TMEM255B: variants seen among roughly 807,000 people sequenced by gnomAD.
The protein encoded by TMEM255B is family with sequence similarity 70, member B.
A neutral mutation model predicts 34.5 loss-of-function variants in TMEM255B; 35 were observed. The ratio of observed to expected loss-of-function variants is 1.01; its 90% CI spans 0.77 to 1.34. TMEM255B has a LOEUF of 1.34. Among genes scored for constraint, TMEM255B ranks in the 40% most tolerant of loss-of-function variants. The pLI is 0.00. For synonymous variants in TMEM255B, 206 were observed against 201.2 expected (o/e 1.02, Z -0.20); for missense variants, 432 against 433.2 (o/e 1.00, Z 0.02).
At chr13:113,787,816 G>A (rs932645729) in intron 3 of TMEM255B, among the ~76,000 whole-genome samples, 1 of 151,350 alleles carries the variant, frequency 6.6e-6, no homozygotes, top group African/African-American at 2.4e-5. Flanking sequence ...ATTGATGGCA[G>A]GCAGGGCATG....
intron 3 of TMEM255B, among the ~76,000 whole-genome samples, chr13:113,789,843 C>T (rs190668668): frequency 6.6e-6 from 1 of 151,954 alleles, no homozygotes; most frequent in East Asian, 1.9e-4. Flanking sequence ...GACATCCTAG[C>T]CCTGGACTGA....
At chr13:113,782,551 C>G (rs1233441927) in intron 3 of TMEM255B, among the ~76,000 whole-genome samples, 1 of 152,178 alleles carries the variant, frequency 6.6e-6, no homozygotes, top group Non-Finnish European at 1.5e-5. Flanking sequence ...TCTGGCCTAC[C>G]GGATACCGTC....
intron 3 of TMEM255B, among the ~76,000 whole-genome samples, chr13:113,783,497 A>G (rs151263570): frequency 6.6e-6 from 1 of 152,334 alleles, no homozygotes; most frequent in Non-Finnish European, 1.5e-5. Context: ...GGATTGGGCT[A>G]TGTGCAGGAA....
At chr13:113,785,453 CTCA>C (rs1337579874) in intron 3 of TMEM255B, among the ~76,000 whole-genome samples, 1 of 152,224 alleles carries the variant, frequency 6.6e-6, no homozygotes, top group Non-Finnish European at 1.5e-5. Flanking sequence ...GCACTAGGGT[CTCA>C]TGTTTGCTCC....
At chr13:113,790,927 C>T (rs1321747133) in intron 3 of TMEM255B, among the ~76,000 whole-genome samples, 1 of 152,228 alleles carries the variant, frequency 6.6e-6, no homozygotes, top group Non-Finnish European at 1.5e-5. Flanking sequence ...ACTGAAAGAG[C>T]GGGAGGAAGG....
In TMEM255B at chr13:113,806,447, C is replaced by T. The variant is rs149552060; in HGVS notation, c.813+1419C>T. 0.011 allele frequency among the ~76,000 whole-genome samples: 1,695 copies of T among 152,230 alleles called. 38 individuals are homozygous for T. The highest frequency in any genetic ancestry group is 0.038 in the African/African-American group (1,577 of 41,528). On this transcript the variant is annotated intron_variant, in intron 8 of 8. Transcript: ENST00000375353. This position sits in a 1 kb window ranked among gnomAD's most constrained non-coding sequence, Gnocchi z 4.2. ...ATCTCCTCGTGGAGGGATCCCTGCA[C>T]CTCATACCTCAGTCTCCCCTCTCAC...
rs1165743809 is a variant in TMEM255B at position 113,816,293 on chromosome 13, G to A, written c.*4390G>A. On this transcript the variant is annotated 3_prime_UTR_variant, in exon 9 of 9. Transcript: ENST00000375353. ...TCTAAGCGTGTTCTGGATGGGGAGAGGTGCAGTCACTGGTCAGGGACACGA... is the reference window on the plus strand; with the variant it reads ...TCTAAGCGTGTTCTGGATGGGGAGAAGTGCAGTCACTGGTCAGGGACACGA... 2 of 175,740 alleles carry A rather than the reference G, an allele frequency of 1.1e-5. No homozygotes were observed. The highest frequency in any genetic ancestry group is 1.2e-5 in the Non-Finnish European group (1 of 80,188). The allele number at this position is 175,740 out of a possible 1,614,324, so 10.9% of individuals were successfully genotyped here. A position where few individuals can be genotyped will look rare whatever the true frequency, so the allele number is the denominator to read the frequency against.
intron 8 of TMEM255B, among the ~76,000 whole-genome samples, chr13:113,809,158 G>A (rs1192565733): frequency 7.2e-6 from 1 of 138,330 alleles, no homozygotes; most frequent in Non-Finnish European, 1.6e-5. Flanking sequence ...TGTGGTTCCT[G>A]GGAGTTTACT....
chr13:113,798,910 A>T (rs1382639326), intron 4 of TMEM255B, among the ~76,000 whole-genome samples: 1 of 152,160 alleles, frequency 6.6e-6, no homozygotes, highest in African/African-American at 2.4e-5. Flanking sequence ...GGATGATTGG[A>T]TGGTTGGAGG....
At chr13:113,807,288 A>T (rs1225609286) in intron 8 of TMEM255B, among the ~76,000 whole-genome samples, 1 of 150,702 alleles carries the variant, frequency 6.6e-6, no homozygotes, top group Non-Finnish European at 1.5e-5. Flanking sequence ...ACGCAGGCTT[A>T]CGGGATGTGG....
In TMEM255B at chr13:113,804,768, G is replaced by C. The variant is rs1331876552; in HGVS notation, c.670-117G>C. On this transcript the variant is annotated intron_variant, in intron 7 of 8. Coordinates refer to ENST00000375353, the MANE Select transcript of TMEM255B (RefSeq NM_182614.4). ...CTGGGTATAAACGCACGCCGGGCCG[G>C]GGTTAGTTCCAGCCTGAGAGTCGGG... 12 of 786,400 alleles carry C rather than the reference G, an allele frequency of 1.5e-5. 1 individual carries two copies. In the Admixed American group the frequency reaches 1.9e-4, roughly 13 times the overall value. 48.7% of individuals were successfully genotyped at this position (786,400 alleles called of 1,614,324 possible).
intron 1 of TMEM255B, 90 bp from the exon 2 acceptor site, chr13:113,766,000 CGGGGATAGTGCATCCCAGGACCCCT>C (rs1555364162): frequency 6.4e-6 from 9 of 1,395,360 alleles, no homozygotes; most frequent in Non-Finnish European, 9.8e-7. Flanking sequence ...TGGAGGCAGG[CGGGGATAGTGCATCCCAGGACCCCT>C]GGGTAACGGA....
chr13:113,801,669 G>A lies in TMEM255B; in HGVS notation c.526G>A (p.Ala176Thr), dbSNP rs747109815. Residue 176 changes from alanine (A) to threonine (T), a missense_variant, in exon 7 of 9, where the codon GCC (alanine) becomes ACC (threonine). Ala to Thr is a moderately conservative substitution (Grantham distance 58). Coordinates refer to ENST00000375353, the MANE Select transcript of TMEM255B (RefSeq NM_182614.4). ...TCTGTGCAGCGCAGAGCCCTCGCCC[G>A]CCTACTATGAGTTCATCGGCGTCAG... ...YACGSAEPSP[A>T]YYEFIGVSGC... is the part of the protein sequence containing the mutation. The A allele has an allele frequency of 9.9e-6, 16 of 1,610,294 alleles. No individual in the cohort carries two copies. Among genetic ancestry groups the A allele is most frequent in the Admixed American group, 5.0e-5 (3 of 59,742 alleles).
intron 3 of TMEM255B, among the ~76,000 whole-genome samples, chr13:113,776,431 G>A (rs1008427584): frequency 2.0e-5 from 3 of 152,140 alleles, no homozygotes; most frequent in African/African-American, 7.2e-5. Context: ...TTCTGCGGGC[G>A]GCACCTGCTT....
intron 1 of TMEM255B, among the ~76,000 whole-genome samples, chr13:113,765,040 G>T (rs887325242): frequency 1.1e-4 from 17 of 152,208 alleles, no homozygotes; most frequent in African/African-American, 3.4e-4. Context: ...ATTGGCGAAT[G>T]GAGTGATCTG....
intron 4 of TMEM255B, among the ~76,000 whole-genome samples, 197 bp downstream of exon 4, chr13:113,795,434 A>G (rs1302548998): frequency 6.6e-6 from 1 of 151,724 alleles, no homozygotes; most frequent in Non-Finnish European, 1.5e-5. Context: ...CACACAGACT[A>G]CACACACCAC....
chr13:113,786,610 C>T (rs1354553966), intron 3 of TMEM255B, among the ~76,000 whole-genome samples: 10 of 152,030 alleles, frequency 6.6e-5, no homozygotes, highest in East Asian at 1.9e-4. Flanking sequence ...TCACCATCAC[C>T]GTCGTCACTG....
chr13:113,808,521 C>G (rs977885748), intron 8 of TMEM255B, among the ~76,000 whole-genome samples: 4 of 148,970 alleles, frequency 2.7e-5, no homozygotes, highest in African/African-American at 7.4e-5. Flanking sequence ...ACTCCATGTT[C>G]CTGGGGGTTT....
chr13:113,759,681 G>A (rs1414101027), intron 1 of TMEM255B, among the ~76,000 whole-genome samples: 1 of 152,174 alleles, frequency 6.6e-6, no homozygotes, highest in African/African-American at 2.4e-5. Context: ...GCGCCCCAAA[G>A]TGCGCTCCTT....
Sources: allele counts gnomAD v4.1 joint callset (sites outside exome capture counted in the v4.1 genomes callset), GRCh38; gene constraint gnomAD v4.1.1; non-coding constraint Gnocchi (gnomAD v3.1); transcripts MANE v1.5; gene names NCBI Gene and HGNC (gene_info 2026-07-23, HGNC 2026-07-21).